PPA2: variants seen among roughly 807,000 people sequenced by gnomAD.
The protein encoded by PPA2 is inorganic pyrophosphatase 2, mitochondrial.
Under a neutral mutation model 49.5 loss-of-function variants are expected in PPA2, and 48 were observed. The ratio of observed to expected loss-of-function variants is 0.97; its 90% CI spans 0.77 to 1.23. The LOEUF is 1.23. Among genes scored for constraint, PPA2 ranks in the 50% most tolerant of loss-of-function variants. The probability of loss-of-function intolerance (pLI) is 0.00; values close to 1 mark genes in which losing one functional copy is unlikely to be tolerated. For missense variants in PPA2, 429 were observed against 410.1 expected (o/e 1.05, Z -0.40); for synonymous variants, 131 against 139.9 (o/e 0.94, Z 0.45).
At chr4:105,441,735 TA>T (rs1320373833) in intron 5 of PPA2, among the ~76,000 whole-genome samples, 1 of 152,126 alleles carries the variant, frequency 6.6e-6, no homozygotes, top group Non-Finnish European at 1.5e-5. Context: ...TATAAAGCTA[TA>T]AAAATGAATA....
At chr4:105,391,158 G>C (rs968147768) in intron 9 of PPA2, among the ~76,000 whole-genome samples, 2 of 151,962 alleles carry the variant, frequency 1.3e-5, no homozygotes, top group Non-Finnish European at 2.9e-5. Context: ...ACACAGGGAA[G>C]GGAACAACAC....
chr4:105,421,914 G>A (rs570474994), intron 7 of PPA2, among the ~76,000 whole-genome samples: 10 of 151,958 alleles, frequency 6.6e-5, no homozygotes, highest in South Asian at 4.2e-4. Context: ...GTGGTGGCGC[G>A]CGCCTGTACT....
chr4:105,396,441 C>G, intron 8 of PPA2, 107 bp from the exon 9 acceptor site: 1 of 727,774 alleles, frequency 1.4e-6, no homozygotes, highest in Non-Finnish European at 2.2e-6. Context: ...AGAGCATGAG[C>G]TCCAGAGTCA....
intron 7 of PPA2, among the ~76,000 whole-genome samples, chr4:105,423,943 AAGG>A (rs1723369566): frequency 6.6e-6 from 1 of 152,268 alleles, no homozygotes; most frequent in East Asian, 1.9e-4. Context: ...GGAAAGAAGA[AAGG>A]AGGGAAGGAA....
intron 7 of PPA2, chr4:105,405,459 T>C (rs1722421999): frequency 1.1e-6 from 1 of 880,106 alleles, no homozygotes; most frequent in Admixed American, 6.2e-5. Flanking sequence ...TTTTCCACTG[T>C]GTTGAAGTTA....
At chr4:105,402,945 A>G (rs956528026) in intron 7 of PPA2, among the ~76,000 whole-genome samples, 3 of 152,172 alleles carry the variant, frequency 2.0e-5, no homozygotes, top group East Asian at 1.9e-4. Flanking sequence ...TGAGATGTAC[A>G]TGAGATGTAA....
chr4:105,460,147 C>T (rs931388477), intron 1 of PPA2, among the ~76,000 whole-genome samples: 9 of 152,118 alleles, frequency 5.9e-5, no homozygotes, highest in East Asian at 1.9e-4. Context: ...TTCAAACAAT[C>T]GCAGATCGAA....
At chr4:105,413,273 A>C (rs1295084199) in intron 7 of PPA2, among the ~76,000 whole-genome samples, 2 of 151,946 alleles carry the variant, frequency 1.3e-5, no homozygotes, top group Non-Finnish European at 2.9e-5. Context: ...GAACAATGAG[A>C]ACACATGGAC....
At chr4:105,473,250 C>T (rs1243960317) in intron 1 of PPA2, 1 of 177,928 alleles carries the variant, frequency 5.6e-6, no homozygotes. Flanking sequence ...GCCTTCTGGG[C>T]TTGTTCAGCT....
At chr4:105,418,369 G>A (rs1440235072) in intron 7 of PPA2, among the ~76,000 whole-genome samples, 1 of 152,180 alleles carries the variant, frequency 6.6e-6, no homozygotes, top group African/African-American at 2.4e-5. Context: ...AGAAGCACTG[G>A]AAGTGTTTAC....
intron 10 of PPA2, 127 bp downstream of exon 10, chr4:105,386,440 G>T: frequency 1.5e-6 from 1 of 662,114 alleles, no homozygotes; most frequent in Non-Finnish European, 2.4e-6. Flanking sequence ...AGATTTCAAG[G>T]TGATCTGTAA....
At chr4:105,428,142 C>T (rs1337760722) in intron 6 of PPA2, among the ~76,000 whole-genome samples, 1 of 152,112 alleles carries the variant, frequency 6.6e-6, no homozygotes, top group Non-Finnish European at 1.5e-5. Flanking sequence ...TATAGACAAG[C>T]AAATGCTGAG....
At chr4:105,458,388 T>C (rs954773377) in intron 1 of PPA2, among the ~76,000 whole-genome samples, 5 of 152,134 alleles carry the variant, frequency 3.3e-5, no homozygotes, top group African/African-American at 1.2e-4. Context: ...GATGTTAAGA[T>C]GATAAAATTA....
At chr4:105,416,309 A>AT (rs1194767282) in intron 7 of PPA2, among the ~76,000 whole-genome samples, 8 of 152,240 alleles carry the variant, frequency 5.3e-5, no homozygotes, top group Non-Finnish European at 1.2e-4. Context: ...TTATTTTTAG[A>AT]TAAAAACCAG....
chr4:105,391,058 C>T (rs1733896989), intron 9 of PPA2, among the ~76,000 whole-genome samples: 1 of 152,176 alleles, frequency 6.6e-6, no homozygotes, highest in African/African-American at 2.4e-5. Context: ...AGCTGGAAAC[C>T]ATCATCCTCA....
intron 2 of PPA2, 75 bp downstream of exon 2, chr4:105,456,606 A>G (rs553713567): frequency 8.0e-7 from 1 of 1,250,874 alleles, no homozygotes; most frequent in African/African-American, 1.5e-5. Flanking sequence ...TTTCCTTTCA[A>G]GGTGCTTCCA....
At position 105,450,601 on chromosome 4, in the gene PPA2, C is replaced by CTTTTTTTTTTTTTTT. The variant is rs575896250; in HGVS notation, c.268-1213_268-1199dup. Among the ~76,000 whole-genome samples, 123 of 82,650 alleles carry CTTTTTTTTTTTTTTT rather than the reference C, an allele frequency of 1.5e-3. 17 individuals are homozygous for CTTTTTTTTTTTTTTT. Among genetic ancestry groups the CTTTTTTTTTTTTTTT allele is most frequent in the Middle Eastern group, 7.5e-3 (1 of 134 alleles). 54.2% of individuals were successfully genotyped at this position (82,650 alleles called of 152,430 possible). A position where few individuals can be genotyped will look rare whatever the true frequency, so the allele number is the denominator to read the frequency against. On this transcript the variant is annotated intron_variant, in intron 3 of 11. Transcript: ENST00000341695. Reference sequence around the variant, plus strand: ...ATGCTGGCCAGGCTGGTCTGGAATTCTTTTTTTTTTTTTTTTTTTTTTTTG... The same window carrying CTTTTTTTTTTTTTTT: ...ATGCTGGCCAGGCTGGTCTGGAATTCTTTTTTTTTTTTTTTTTTTTTTTTTTTTTTTTTTTTTTTG...
chr4:105,458,421 A>G (rs968665845), intron 1 of PPA2, among the ~76,000 whole-genome samples: 2 of 152,218 alleles, frequency 1.3e-5, no homozygotes, highest in Admixed American at 6.5e-5. Flanking sequence ...GGTGCGGAGT[A>G]TGCTGGAATC....
chr4:105,373,465 T>G (rs1335166105), intron 10 of PPA2, among the ~76,000 whole-genome samples: 1 of 85,738 alleles, frequency 1.2e-5, no homozygotes, highest in African/African-American at 4.2e-5. Flanking sequence ...AATACAAAAT[T>G]TTTTTTCTCA....
Sources: gnomAD v4.1 joint callset for allele counts (sites outside exome capture counted in the v4.1 genomes callset) on GRCh38, gnomAD v4.1.1 for gene constraint, MANE v1.5 for transcripts, NCBI Gene and HGNC (gene_info 2026-07-23, HGNC 2026-07-21) for gene names.